Variants in NOTCH2NLR observed in about 807,000 individuals in gnomAD.
NOTCH2NLR encodes the protein notch 2 N-terminal like R.
Under a neutral mutation model 35.6 loss-of-function variants are expected in NOTCH2NLR, and 33 were observed. The observed-to-expected ratio is 0.93, with a 90% CI of 0.70 to 1.24. The LOEUF (loss-of-function observed/expected upper bound fraction) is 1.24. Among genes scored for constraint, NOTCH2NLR ranks in the 50% most tolerant of loss-of-function variants. The pLI, the probability that NOTCH2NLR is intolerant of heterozygous loss-of-function variation, is 0.00. For synonymous variants in NOTCH2NLR, 103 were observed against 141.0 expected (o/e 0.73, Z 1.91); for missense variants, 276 against 362.2 (o/e 0.76, Z 1.93).
intron 3 of NOTCH2NLR, among the ~76,000 whole-genome samples, chr1:120,788,253 G>C: frequency 1.4e-5 from 1 of 69,314 alleles, no homozygotes; most frequent in Middle Eastern, 5.4e-3. Context: ...TGATAGCCTT[G>C]ATGTCCCAGC....
rs1257111542 is a variant in NOTCH2NLR, at chr1:120,792,571, G to A, written c.416-590G>A. Among the ~76,000 whole-genome samples, 3 of 109,760 alleles carry A rather than the reference G, an allele frequency of 2.7e-5. 1 individual carries two copies. The highest frequency in any genetic ancestry group is 1.5e-4 in the African/African-American group (3 of 19,536). The allele number at this position is 109,760 out of a possible 152,430, so 72.0% of individuals were successfully genotyped here. On this transcript the variant is annotated intron_variant, in intron 3 of 4. Coordinates refer to ENST00000624419, the Ensembl canonical transcript of NOTCH2NLR. ...GGCTGGAGTGCAGTGGTACAATCTC[G>A]GCTCACTGCAACCTCCGCCTCCTGG... is the stretch of plus-strand genomic sequence containing the variant.
rs1344309900 is a variant in NOTCH2NLR at position 120,727,848 on chromosome 1, C to G, written c.73+3598C>G. 5.1e-5 allele frequency among the ~76,000 whole-genome samples: 6 copies of G among 117,102 alleles called. 3 individuals carry two copies. The highest frequency in any genetic ancestry group is 1.6e-4 in the Admixed American group (2 of 12,282). The allele number at this position is 117,102 out of a possible 152,430, so 76.8% of individuals were successfully genotyped here. The stretch of plus-strand genomic sequence containing the variant: ...AAATGACTTGAAACCAAAAGGTCTT[C>G]TTTTCTTTCTTTGTCAGCCTACCAT... On this transcript the variant is annotated intron_variant, in intron 1 of 4. Transcript: ENST00000624419.
In NOTCH2NLR at chr1:120,777,454, T is replaced by C. The variant is rs1651311896; in HGVS notation, c.156-7520T>C. Among the ~76,000 whole-genome samples, 2 of 105,164 alleles carry C rather than the reference T, an allele frequency of 1.9e-5. 1 individual carries two copies. Among genetic ancestry groups the C allele is most frequent in the Non-Finnish European group, 3.5e-5 (2 of 56,786 alleles). The allele number at this position is 105,164 out of a possible 152,430, so 69.0% of individuals were successfully genotyped here. On this transcript the variant is annotated intron_variant, in intron 2 of 4. Coordinates refer to ENST00000624419, the Ensembl canonical transcript of NOTCH2NLR. Reference sequence around the variant, plus strand: ...TGATAAAAGTGTGTATGTGTGTGTGTACGTGTGTGAGAGTGAGAGATTGTA... The same window carrying C: ...TGATAAAAGTGTGTATGTGTGTGTGCACGTGTGTGAGAGTGAGAGATTGTA...
At position 120,793,201 on chromosome 1, in the gene NOTCH2NLR, CTG is replaced by C. The variant is rs1651512547; in HGVS notation, c.459_460del (p.Ala154LysfsTer26). 6.9e-7 allele frequency: 1 copy of C among 1,442,098 alleles called. No homozygotes were observed. The highest frequency in any genetic ancestry group is 1.2e-5 in the South Asian group (1 of 83,052). The allele number at this position is 1,442,098 out of a possible 1,614,324, so 89.3% of individuals were successfully genotyped here. A position where few individuals can be genotyped will look rare whatever the true frequency, so the allele number is the denominator to read the frequency against. Reference sequence around the variant, plus strand: ...GGACCGATGCCTGCCTGTCTCATCTCTGTGCAAATGGAAGTACCTGTACCACT... The same window carrying C: ...GGACCGATGCCTGCCTGTCTCATCTCTGCAAATGGAAGTACCTGTACCACT... On this transcript the variant is annotated frameshift_variant, in exon 4 of 5. Transcript: ENST00000624419. LOFTEE classifies it high-confidence loss of function.
intron 1 of NOTCH2NLR, among the ~76,000 whole-genome samples, chr1:120,754,760 T>G (rs1651062075): frequency 8.6e-6 from 1 of 116,444 alleles, no homozygotes; most frequent in East Asian, 2.1e-4. Flanking sequence ...GTATCTTCCT[T>G]CAAACAAATG....
At position 120,793,438 on chromosome 1, in the gene NOTCH2NLR, C is replaced by T. The variant is rs1651517302; in HGVS notation, c.693C>T (p.Val231=). The T allele has an allele frequency of 2.1e-6, 3 of 1,441,776 alleles. 1 individual carries two copies. Among genetic ancestry groups the T allele is most frequent in the Non-Finnish European group, 2.8e-6 (3 of 1,079,064 alleles). 89.3% of individuals were successfully genotyped at this position (1,441,776 alleles called of 1,614,324 possible). The change falls in exon 4 of 5, where the codon GTC becomes GTT. Residue 231 remains valine (V), a synonymous_variant. Coordinates refer to ENST00000624419, the Ensembl canonical transcript of NOTCH2NLR. ...TGCCCTGTGCACACTCGCCTTGTGT[C>T]AATGGAGGCACCTGTCGGCAGACTG...
At chr1:120,788,067 A>C (rs1171280483) in intron 3 of NOTCH2NLR, among the ~76,000 whole-genome samples, 5 of 67,052 alleles carry the variant, frequency 7.5e-5, no homozygotes, top group African/African-American at 7.1e-4. Context: ...TCATTCATCC[A>C]GGCGGGACCA....
At chr1:120,727,302 T>G (rs1427172162) in intron 1 of NOTCH2NLR, among the ~76,000 whole-genome samples, 1 of 103,264 alleles carries the variant, frequency 9.7e-6, no homozygotes, top group Non-Finnish European at 1.8e-5. Flanking sequence ...ACATTTTTTT[T>G]TACCTTCAGG....
chr1:120,784,196 T>A (rs1651396923), intron 2 of NOTCH2NLR, among the ~76,000 whole-genome samples: 1 of 118,286 alleles, frequency 8.5e-6, no homozygotes, highest in South Asian at 2.4e-4. Context: ...TCTAAAACAT[T>A]TTAAATAGAA....
chr1:120,762,471 T>C (rs1173862231), intron 1 of NOTCH2NLR, among the ~76,000 whole-genome samples: 1 of 108,476 alleles, frequency 9.2e-6, no homozygotes, highest in African/African-American at 5.1e-5. Context: ...CTAGCGTCTC[T>C]CTGATCTTGC....
intron 3 of NOTCH2NLR, among the ~76,000 whole-genome samples, chr1:120,787,358 GA>G (rs1490733284): frequency 1.7e-5 from 1 of 57,420 alleles, no homozygotes; most frequent in Non-Finnish European, 2.9e-5. Context: ...TCCAGCACGG[GA>G]AAAAGATGTA....
Position 120,776,026 on chromosome 1 carries a change from G to A in NOTCH2NLR, c.156-8948G>A, listed in dbSNP as rs1476089067. Among the ~76,000 whole-genome samples the A allele has an allele frequency of 2.8e-5, 3 of 107,264 alleles. 1 individual carries two copies. Among genetic ancestry groups the A allele is most frequent in the Non-Finnish European group, 5.2e-5 (3 of 57,632 alleles). 70.4% of individuals were successfully genotyped at this position (107,264 alleles called of 152,430 possible). Reference sequence around the variant, plus strand: ...TTTAGGTAAATAGCTCAACCCAGTTGTTCCCAAACTTCAAGTGTATTTATA... The same window carrying A: ...TTTAGGTAAATAGCTCAACCCAGTTATTCCCAAACTTCAAGTGTATTTATA... On this transcript the variant is annotated intron_variant, in intron 2 of 4. Coordinates refer to ENST00000624419, the Ensembl canonical transcript of NOTCH2NLR.
At chr1:120,785,116 G>T in exon 3 of NOTCH2NLR, 1 of 1,446,280 alleles carries the variant, frequency 6.9e-7, no homozygotes, top group Non-Finnish European at 9.2e-7. Context: ...TACAGGAGAG[G>T]ACTGCCAGTA....
chr1:120,766,282 G>A lies in NOTCH2NLR; in HGVS notation c.155+2573G>A, dbSNP rs1651193684. Among the ~76,000 whole-genome samples, 2 of 16,254 alleles carry A rather than the reference G, an allele frequency of 1.2e-4. 1 individual carries two copies. The highest frequency in any genetic ancestry group is 2.0e-4 in the Non-Finnish European group (2 of 9,764). The allele number at this position is 16,254 out of a possible 152,430, so 10.7% of individuals were successfully genotyped here. On this transcript the variant is annotated intron_variant, in intron 2 of 4. Coordinates refer to ENST00000624419, the Ensembl canonical transcript of NOTCH2NLR. ...AATTTCAAATATGTTCTAAGTGTTCGCCTATATATTTTTGGTCTGACATGG... is the reference window on the plus strand; with the variant it reads ...AATTTCAAATATGTTCTAAGTGTTCACCTATATATTTTTGGTCTGACATGG...
rs1196442790 is a variant in NOTCH2NLR, at chr1:120,784,492, T to C, written c.156-482T>C. ...TTTGCATTTGCTGTTCCCTTTCTCA[T>C]GAATGTGTTTCCCTAAGATACCTGC... On this transcript the variant is annotated intron_variant, in intron 2 of 4. Coordinates refer to ENST00000624419, the Ensembl canonical transcript of NOTCH2NLR. 2.4e-4 allele frequency among the ~76,000 whole-genome samples: 28 copies of C among 117,194 alleles called. 6 individuals carry two copies. Among genetic ancestry groups the C allele is most frequent in the Admixed American group, 2.3e-3 (28 of 12,296 alleles). The allele number at this position is 117,194 out of a possible 152,430, so 76.9% of individuals were successfully genotyped here. A position where few individuals can be genotyped will look rare whatever the true frequency, so the allele number is the denominator to read the frequency against.
chr1:120,758,630 A>C (rs1651101135), intron 1 of NOTCH2NLR, among the ~76,000 whole-genome samples: 1 of 96,852 alleles, frequency 1.0e-5, no homozygotes, highest in Non-Finnish European at 1.9e-5. Context: ...TTCTTATTTA[A>C]AACAGCTGAG....
chr1:120,781,693 A>G (rs1357604275), intron 2 of NOTCH2NLR, among the ~76,000 whole-genome samples: 2 of 79,410 alleles, frequency 2.5e-5, no homozygotes. Flanking sequence ...CCTCCCGAGT[A>G]GCTGGGACTA....
In NOTCH2NLR at chr1:120,793,759, A is replaced by G. The variant is rs1379084040; in HGVS notation, c.764A>G (p.Asn255Ser). The G allele has an allele frequency of 1.5e-4, 136 of 905,880 alleles. 19 individuals carry two copies. The highest frequency in any genetic ancestry group is 2.2e-4 in the African/African-American group (6 of 27,346). 56.1% of individuals were successfully genotyped at this position (905,880 alleles called of 1,614,324 possible). A position where few individuals can be genotyped will look rare whatever the true frequency, so the allele number is the denominator to read the frequency against. ...GTCCCTTTTGTAGAAACAGTGAGAA[A>G]TAAGAGGAACAGAGCTCTGGGAAAG... The change falls in exon 5 of 5, where the codon AAT becomes AGT. Residue 255 changes from asparagine (N) to serine (S), a missense_variant. Coordinates refer to ENST00000624419, the Ensembl canonical transcript of NOTCH2NLR.
intron 2 of NOTCH2NLR, among the ~76,000 whole-genome samples, chr1:120,777,872 C>T (rs1651316064): frequency 9.3e-6 from 1 of 107,830 alleles, no homozygotes; most frequent in African/African-American, 5.8e-5. Context: ...CAGACCTCAG[C>T]CAGGAGGTAC....
Sources: gnomAD v4.1 joint callset for allele counts (sites outside exome capture counted in the v4.1 genomes callset) on GRCh38, gnomAD v4.1.1 for gene constraint, MANE v1.5 for transcripts, NCBI Gene and HGNC (gene_info 2026-07-23, HGNC 2026-07-21) for gene names.